The following TULP2 variants were observed in gnomAD, a reference collection of about 807,000 sequenced individuals.
TULP2 encodes tubby-related protein 2.
TULP2 carries 64 observed loss-of-function variants against 60.3 expected under a neutral mutation model. The observed-to-expected ratio is 1.06, with a 90% confidence interval of 0.87 to 1.31. The LOEUF is 1.31. TULP2 is among the 50% of genes most tolerant of loss of function. The pLI, the probability that TULP2 is intolerant of heterozygous loss-of-function variation, is 0.00. For synonymous variants in TULP2, 267 were observed against 265.4 expected, an observed-to-expected ratio of 1.01 and a Z score of -0.06; for missense variants, 652 against 667.0, an observed-to-expected ratio of 0.98 and a Z score of 0.25.
intron 8 of TULP2, 64 bp from the exon 9 acceptor site, chr19:48,885,624 C>G (rs560114281): frequency 8.9e-6 from 13 of 1,468,748 alleles, no homozygotes; most frequent in Non-Finnish European, 1.1e-5. Context: ...TGGCTCATGC[C>G]TGTAATCCCT....
intron 6 of TULP2, among the ~76,000 whole-genome samples, chr19:48,894,794 T>G (rs2037263433): frequency 6.6e-6 from 1 of 152,188 alleles, no homozygotes; most frequent in Admixed American, 6.5e-5. Context: ...CTGCGGATCT[T>G]GGTATCTGTG....
intron 4 of TULP2, 56 bp downstream of exon 4, chr19:48,896,373 AC>A: frequency 6.1e-6 from 7 of 1,138,236 alleles, no homozygotes; most frequent in Non-Finnish European, 7.9e-6. Flanking sequence ...GGCCCCGCCC[AC>A]AGACTCCCAC....
intron 12 of TULP2, 58 bp downstream of exon 12, chr19:48,881,974 G>A (rs1005061): frequency 0.078 from 125,019 of 1,610,566 alleles, 5,336 homozygotes; most frequent in South Asian, 0.1. Flanking sequence ...GTTCCCTTCC[G>A]TTCACACCCT....
At chr19:48,893,240 C>T (rs188854653) in intron 6 of TULP2, among the ~76,000 whole-genome samples, 6 of 151,894 alleles carry the variant, frequency 4.0e-5, no homozygotes, top group East Asian at 3.9e-4. Flanking sequence ...CATGGTGGCA[C>T]GCGCCTGTAA....
rs1210342186 is a variant in TULP2, at chr19:48,896,480, G to A, written c.161C>T (p.Pro54Leu). 10 of 1,611,718 alleles carry A rather than the reference G, an allele frequency of 6.2e-6. No individual in the cohort carries two copies. The East Asian group carries it at 2.2e-4, about 36-fold the overall frequency. ...CCGCAGACAAGAGCGCCAAAGCCACGGGGAAGCGTCAGGATTGGCCTGAAC... is the reference window on the plus strand; with the variant it reads ...CCGCAGACAAGAGCGCCAAAGCCACAGGGAAGCGTCAGGATTGGCCTGAAC... Reference protein sequence around the residue: ...LMVQANPDASPWLWRSCLREE... With the variant: ...LMVQANPDASLWLWRSCLREE... The change falls in exon 4 of 13, where the codon CCG becomes CTG. Residue 54 changes from proline (P) to leucine (L), a missense_variant. Transcript: ENST00000221399.
At chr19:48,896,406 A>G (rs1241710008) in intron 4 of TULP2, 24 bp downstream of exon 4, 1 of 1,576,996 alleles carries the variant, frequency 6.3e-7, no homozygotes, top group Non-Finnish European at 8.6e-7. Flanking sequence ...CTCCAGGCGA[A>G]CGCCCCCAGG....
intron 7 of TULP2, among the ~76,000 whole-genome samples, chr19:48,888,690 C>T (rs1256862529): frequency 6.6e-6 from 1 of 152,122 alleles, no homozygotes; most frequent in African/African-American, 2.4e-5. Flanking sequence ...GACTCGATCT[C>T]GGTTCACTGC....
chr19:48,896,417 G>T lies in TULP2; in HGVS notation c.211+13C>A. Reference sequence around the variant, plus strand: ...TCCCCTCCAGGCGAACGCCCCCAGGGGTCTTTGGTCACCTCTGTCACCTAA... The same window carrying T: ...TCCCCTCCAGGCGAACGCCCCCAGGTGTCTTTGGTCACCTCTGTCACCTAA... On this transcript the variant is annotated intron_variant, in intron 4 of 12. Transcript: ENST00000221399. The T allele has an allele frequency of 6.3e-7, 1 of 1,596,120 alleles. No homozygotes were observed. Among genetic ancestry groups the T allele is most frequent in the South Asian group, 1.1e-5 (1 of 89,100 alleles).
chr19:48,889,395 C>A, intron 7 of TULP2, 115 bp downstream of exon 7: 1 of 1,476,458 alleles, frequency 6.8e-7, no homozygotes, highest in Non-Finnish European at 9.0e-7. Context: ...CCAGCTTAAT[C>A]ACCACCAGGA....
At chr19:48,885,400 TA>T in intron 9 of TULP2, 47 bp downstream of exon 9, 2 of 1,534,868 alleles carry the variant, frequency 1.3e-6, no homozygotes, top group East Asian at 2.3e-5. Context: ...CCCCTGTCCC[TA>T]AGCTCCCTGC....
chr19:48,892,232 G>A (rs971215166), intron 6 of TULP2, among the ~76,000 whole-genome samples: 2 of 152,216 alleles, frequency 1.3e-5, no homozygotes, highest in African/African-American at 4.8e-5. Context: ...ATCTCAGGCT[G>A]TCTCAGTCGG....
intron 9 of TULP2, 55 bp downstream of exon 9, chr19:48,885,393 C>T: frequency 6.9e-7 from 1 of 1,452,328 alleles, no homozygotes; most frequent in Middle Eastern, 1.7e-4. Context: ...TGGAGTCCCC[C>T]TGTCCCTAAG....
At chr19:48,882,530 C>T (rs2037143978) in intron 11 of TULP2, among the ~76,000 whole-genome samples, 1 of 152,134 alleles carries the variant, frequency 6.6e-6, no homozygotes, top group African/African-American at 2.4e-5. Flanking sequence ...AGGAGTTTTG[C>T]CATGAGAGTA....
rs188329600 is a variant in TULP2 at position 48,882,494 on chromosome 19, C to T, written c.1276-291G>A. 2.6e-5 allele frequency among the ~76,000 whole-genome samples: 4 copies of T among 152,246 alleles called. No homozygotes were observed. In the East Asian group the frequency reaches 7.7e-4, roughly 29 times the overall value. On this transcript the variant is annotated intron_variant, in intron 11 of 12. Coordinates refer to ENST00000221399, the MANE Select transcript of TULP2 (RefSeq NM_003323.3). ...TTTCCTCAGCAAGGCCATTTTTTAA[C>T]TTTCTGCAGAAAGGGTACACTCACC...
At chr19:48,896,758 C>A in intron 3 of TULP2, 1 of 546,722 alleles carries the variant, frequency 1.8e-6, no homozygotes, top group Non-Finnish European at 3.0e-6. Flanking sequence ...AGTCCTGACA[C>A]CCTGTCCTCT....
Position 48,887,211 on chromosome 19 carries a change from C to T in TULP2, c.948+739G>A, listed in dbSNP as rs1043798616. ...ATTTTTTAGTAGAGACGATGTTTCG[C>T]CTTGTTGGCCAGGCTGGTCTCGAAC... On this transcript the variant is annotated intron_variant, in intron 8 of 12. Coordinates refer to ENST00000221399, the MANE Select transcript of TULP2 (RefSeq NM_003323.3). 4.0e-5 allele frequency among the ~76,000 whole-genome samples: 6 copies of T among 150,042 alleles called. No homozygotes were observed. In the East Asian group the frequency reaches 9.9e-4, roughly 25 times the overall value.
chr19:48,894,710 A>T (rs1482746412), intron 6 of TULP2, among the ~76,000 whole-genome samples: 2 of 152,164 alleles, frequency 1.3e-5, no homozygotes, highest in Non-Finnish European at 1.5e-5. Flanking sequence ...TCTAGAGATG[A>T]CTTACAGTAT....
chr19:48,885,951 A>C (rs573669139), intron 8 of TULP2, among the ~76,000 whole-genome samples: 1 of 152,276 alleles, frequency 6.6e-6, no homozygotes, highest in Admixed American at 6.5e-5. Context: ...CAGGGGTCCA[A>C]AGACAAGGAA....
chr19:48,891,508 C>T (rs1418976316), intron 6 of TULP2, among the ~76,000 whole-genome samples: 2 of 150,632 alleles, frequency 1.3e-5, no homozygotes, highest in African/African-American at 4.9e-5. Flanking sequence ...CGTGCACCTG[C>T]AGTTCCAGCT....
Sources: gnomAD v4.1 joint callset for allele counts (sites outside exome capture counted in the v4.1 genomes callset) on GRCh38, gnomAD v4.1.1 for gene constraint, MANE v1.5 for transcripts, NCBI Gene and HGNC (gene_info 2026-07-23, HGNC 2026-07-21) for gene names.